ADGRL3: variants seen among roughly 807,000 people sequenced by gnomAD.
ADGRL3 encodes calcium-independent alpha-latrotoxin receptor 3.
Under a neutral mutation model 153.5 loss-of-function variants are expected in ADGRL3, and 62 were observed. The observed-to-expected ratio is 0.40, with a 90% CI of 0.33 to 0.50. The LOEUF (loss-of-function observed/expected upper bound fraction) is 0.50. Among genes scored for constraint, ADGRL3 ranks in the 20% least tolerant of loss-of-function variants. The pLI is 0.47. For missense variants in ADGRL3, 1,641 were observed against 1,859.4 expected (o/e 0.88, Z 2.16); for synonymous variants, 710 against 672.5 (o/e 1.06, Z -0.86).
chr4:62,042,461 A>G (rs1378142358), intron 24 of ADGRL3, among the ~76,000 whole-genome samples: 1 of 151,946 alleles, frequency 6.6e-6, no homozygotes, highest in African/African-American at 2.4e-5. Flanking sequence ...GCATACCTGT[A>G]TCTGGAGAAG....
chr4:61,881,464 C>T (rs531491957), intron 9 of ADGRL3, among the ~76,000 whole-genome samples: 140 of 152,232 alleles, frequency 9.2e-4, no homozygotes, highest in African/African-American at 3.2e-3. Context: ...CTGCAACCTC[C>T]GCCTCCCAGG....
chr4:61,452,216 C>T (rs915386762), intron 2 of ADGRL3, among the ~76,000 whole-genome samples: 2 of 152,158 alleles, frequency 1.3e-5, no homozygotes, highest in African/African-American at 4.8e-5. Flanking sequence ...CCAAGACACT[C>T]TCCATTACCT....
chr4:61,969,753 G>A (rs1381264198), intron 17 of ADGRL3, among the ~76,000 whole-genome samples: 1 of 152,128 alleles, frequency 6.6e-6, no homozygotes, highest in Admixed American at 6.6e-5. Flanking sequence ...GGATGAACTG[G>A]TGTTAGGATC....
intron 5 of ADGRL3, among the ~76,000 whole-genome samples, chr4:61,627,907 G>A (rs1205997795): frequency 2.0e-5 from 3 of 152,038 alleles, no homozygotes. Flanking sequence ...GGTGGGCTAG[G>A]GGATTGAGGA....
At chr4:61,622,435 T>C (rs540102385) in intron 5 of ADGRL3, among the ~76,000 whole-genome samples, 10 of 152,286 alleles carry the variant, frequency 6.6e-5, no homozygotes, top group African/African-American at 2.2e-4. Context: ...AACATTCTCA[T>C]CATTGCCTCC....
chr4:61,847,676 TATATTA>T, intron 9 of ADGRL3, among the ~76,000 whole-genome samples: 1 of 52,952 alleles, frequency 1.9e-5, no homozygotes, highest in African/African-American at 8.7e-5. Context: ...TAATATAAAA[TATATTA>T]TATATATAAT....
intron 4 of ADGRL3, among the ~76,000 whole-genome samples, chr4:61,562,887 A>G (rs539504975): frequency 6.6e-6 from 1 of 151,224 alleles, no homozygotes; most frequent in African/African-American, 2.4e-5. Flanking sequence ...CACAGCTGCA[A>G]TGAGCTATGA....
intron 12 of ADGRL3, 58 bp from the exon 13 acceptor site, chr4:61,912,661 T>G: frequency 6.9e-7 from 1 of 1,455,028 alleles, no homozygotes. Flanking sequence ...CTTGTTTTCT[T>G]CTGTCACTAA....
intron 21 of ADGRL3, among the ~76,000 whole-genome samples, chr4:62,002,119 C>T (rs1048751753): frequency 6.6e-6 from 1 of 151,786 alleles, no homozygotes; most frequent in Non-Finnish European, 1.5e-5. Context: ...ATTCTTGTCC[C>T]TGCCTTCACT....
intron 8 of ADGRL3, among the ~76,000 whole-genome samples, chr4:61,784,175 C>A (rs991189064): frequency 2.2e-4 from 33 of 152,020 alleles, no homozygotes; most frequent in African/African-American, 8.0e-4. Flanking sequence ...ATTTGAATTG[C>A]TAGATGACAG....
chr4:61,517,214 CG>C, intron 3 of ADGRL3, 100 bp from the exon 4 acceptor site: 1 of 647,650 alleles, frequency 1.5e-6, no homozygotes, highest in Non-Finnish European at 2.8e-6. Flanking sequence ...GGCCTATAGC[CG>C]GCGGCAGAGA....
intron 1 of ADGRL3, among the ~76,000 whole-genome samples, chr4:61,222,532 A>G (rs1284215007): frequency 6.6e-6 from 1 of 152,172 alleles, no homozygotes; most frequent in Non-Finnish European, 1.5e-5. Flanking sequence ...TGCATAAAGT[A>G]AATCACTAAA....
chr4:61,351,764 A>AAAGAAAAAGAAAAAGAAG (rs1242412268), intron 1 of ADGRL3, among the ~76,000 whole-genome samples: 1 of 152,158 alleles, frequency 6.6e-6, no homozygotes, highest in African/African-American at 2.4e-5. Flanking sequence ...AGAAAAAGAA[A>AAAGAAAAAGAAAAAGAAG]AAGAAAAAGA....
chr4:61,493,366 C>T (rs1158320634), intron 2 of ADGRL3, among the ~76,000 whole-genome samples: 1 of 151,996 alleles, frequency 6.6e-6, no homozygotes, highest in African/African-American at 2.4e-5. Flanking sequence ...GTCAAATGTC[C>T]GAGTAGAGAT....
Position 61,747,156 on chromosome 4 carries a change from A to T in ADGRL3, c.1399+13602A>T, listed in dbSNP as rs193124001. 5.7e-3 allele frequency among the ~76,000 whole-genome samples: 874 copies of T among 152,190 alleles called. 9 individuals are homozygous for T. Among genetic ancestry groups the T allele is most frequent in the African/African-American group, 0.02 (845 of 41,504 alleles). On this transcript the variant is annotated intron_variant, in intron 8 of 26. Coordinates refer to ENST00000683033, the MANE Select transcript of ADGRL3 (RefSeq NM_001387552.1). ...ACATACACCCTTCCAAGACTAAACC[A>T]GGAAGAAGTTGAATCTCTGAATAGA... is the stretch of plus-strand genomic sequence containing the variant.
chr4:61,295,929 G>T (rs1221374186), intron 1 of ADGRL3, among the ~76,000 whole-genome samples: 2 of 152,012 alleles, frequency 1.3e-5, no homozygotes, highest in Non-Finnish European at 2.9e-5. Flanking sequence ...GCTGTGGATC[G>T]GCAACAGAGT....
chr4:61,824,061 CA>C (rs11368286), intron 9 of ADGRL3, among the ~76,000 whole-genome samples: 84,104 of 149,916 alleles, frequency 0.56, 24,975 homozygotes, highest in African/African-American at 0.76. Flanking sequence ...GAATCCGTCT[CA>C]AAAAAAAAAG....
chr4:61,355,697 G>A (rs940321804), intron 1 of ADGRL3, among the ~76,000 whole-genome samples: 10 of 152,094 alleles, frequency 6.6e-5, no homozygotes, highest in African/African-American at 2.4e-4. Context: ...CATAAAATAT[G>A]TAGATAGTGT....
intron 8 of ADGRL3, among the ~76,000 whole-genome samples, chr4:61,791,633 G>A (rs2097342944): frequency 6.6e-6 from 1 of 152,212 alleles, no homozygotes; most frequent in Admixed American, 6.5e-5. Flanking sequence ...GTCCCAGTAG[G>A]GACTTTGTGT....
Sources: gnomAD v4.1 joint callset for allele counts (sites outside exome capture counted in the v4.1 genomes callset) on GRCh38, gnomAD v4.1.1 for gene constraint, MANE v1.5 for transcripts, NCBI Gene and HGNC (gene_info 2026-07-23, HGNC 2026-07-21) for gene names.